Variants in SNX6 observed in about 807,000 individuals in gnomAD.
The protein encoded by SNX6 is sorting nexin-6.
Under a neutral mutation model 63.0 loss-of-function variants are expected in SNX6, and 34 were observed. The ratio of observed to expected loss-of-function variants is 0.54; its 90% CI spans 0.41 to 0.72. The LOEUF (loss-of-function observed/expected upper bound fraction) is 0.72. Ranked by LOEUF, SNX6 falls within the 30% of genes least tolerant of loss-of-function variation. The pLI is 0.00. For missense variants in SNX6, 398 were observed against 471.4 expected, an observed-to-expected ratio of 0.84 and a Z score of 1.44; for synonymous variants, 170 against 164.2, an observed-to-expected ratio of 1.04 and a Z score of -0.27.
At chr14:34,575,349 C>T (rs1183750778) in intron 11 of SNX6, among the ~76,000 whole-genome samples, 4 of 151,950 alleles carry the variant, frequency 2.6e-5, no homozygotes, top group East Asian at 3.9e-4. Context: ...TACAGGCACC[C>T]GCCACCATGC....
chr14:34,585,333 A>C (rs1039754690), intron 9 of SNX6, among the ~76,000 whole-genome samples: 2 of 152,012 alleles, frequency 1.3e-5, no homozygotes, highest in African/African-American at 4.8e-5. Flanking sequence ...CAGCCTGGCC[A>C]ATATGGTGAA....
chr14:34,626,870 A>G (rs966079140), intron 2 of SNX6, among the ~76,000 whole-genome samples: 5 of 152,210 alleles, frequency 3.3e-5, no homozygotes, highest in African/African-American at 1.2e-4. Flanking sequence ...TGCTTGTGCT[A>G]GTAGACACCA....
At chr14:34,588,650 C>T (rs549247682) in intron 8 of SNX6, among the ~76,000 whole-genome samples, 109 of 152,266 alleles carry the variant, frequency 7.2e-4, no homozygotes, top group African/African-American at 2.5e-3. Flanking sequence ...CTACAAAACA[C>T]TGCTGAGATA....
rs1347484758 is a variant in SNX6 at position 34,629,564 on chromosome 14, T to C, written c.54+343A>G. 10 of 577,866 alleles carry C rather than the reference T, an allele frequency of 1.7e-5. No individual in the cohort carries two copies. The Admixed American group carries it at 1.7e-4, about 10-fold the overall frequency. The allele number at this position is 577,866 out of a possible 1,614,324, so 35.8% of individuals were successfully genotyped here. A position where few individuals can be genotyped will look rare whatever the true frequency, so the allele number is the denominator to read the frequency against. ...GGGAAGGTCCGAGAATGGGTTTTCATGGCCCCAAAGTGTCGAGGGAGGGTG... is the reference window on the plus strand; with the variant it reads ...GGGAAGGTCCGAGAATGGGTTTTCACGGCCCCAAAGTGTCGAGGGAGGGTG... On this transcript the variant is annotated intron_variant, in intron 2 of 13. Coordinates refer to ENST00000362031, the MANE Select transcript of SNX6 (RefSeq NM_152233.4).
At chr14:34,596,636 G>A (rs1227064305) in intron 7 of SNX6, among the ~76,000 whole-genome samples, 3 of 148,878 alleles carry the variant, frequency 2.0e-5, no homozygotes, top group African/African-American at 7.4e-5. Flanking sequence ...AAAAAAAAGA[G>A]AGAGAGAGAA....
intron 9 of SNX6, among the ~76,000 whole-genome samples, chr14:34,582,021 G>T (rs1365018555): frequency 6.6e-6 from 1 of 151,716 alleles, no homozygotes; most frequent in Non-Finnish European, 1.5e-5. Context: ...TAGAGTCGGG[G>T]TTTTACCATG....
chr14:34,574,285 G>A (rs1423527395), intron 11 of SNX6, among the ~76,000 whole-genome samples: 1 of 149,974 alleles, frequency 6.7e-6, no homozygotes, highest in Non-Finnish European at 1.5e-5. Context: ...GCAGTGAGCT[G>A]CAATCATGCC....
intron 6 of SNX6, among the ~76,000 whole-genome samples, chr14:34,597,851 T>G (rs534304261): frequency 1.6e-4 from 24 of 152,312 alleles, no homozygotes; most frequent in African/African-American, 5.5e-4. Context: ...GGACTCACTC[T>G]CAAAGATTCA....
chr14:34,583,655 G>A (rs1594710656), intron 9 of SNX6, among the ~76,000 whole-genome samples: 1 of 151,954 alleles, frequency 6.6e-6, no homozygotes, highest in East Asian at 1.9e-4. Context: ...ACAGGTTCAA[G>A]TATTCTGTAA....
Position 34,629,948 on chromosome 14 carries a change from G to C in SNX6, c.13C>G (p.Leu5Val). The change falls in exon 2 of 14, where the codon CTG becomes GTG. Residue 5 changes from leucine (L) to valine (V), a missense_variant. Transcript: ENST00000362031. The part of the protein sequence containing the change: MMEG[L>V]DDGPDFLSEE... ...GAGAGGAAGTCCGGGCCGTCGTCCA[G>C]GCCTTCCTGTGGGGTCGGCGGGCAC... 1 of 1,547,536 alleles carries C rather than the reference G, an allele frequency of 6.5e-7. No homozygotes were observed. Among genetic ancestry groups the C allele is most frequent in the Non-Finnish European group, 8.7e-7 (1 of 1,148,512 alleles).
At chr14:34,623,840 ATATTATT>A (rs1883720731) in intron 2 of SNX6, among the ~76,000 whole-genome samples, 1 of 152,220 alleles carries the variant, frequency 6.6e-6, no homozygotes, top group Non-Finnish European at 1.5e-5. Flanking sequence ...AACAATAAAC[ATATTATT>A]TAGAACTGAA....
intron 7 of SNX6, among the ~76,000 whole-genome samples, chr14:34,596,437 G>A (rs1328963532): frequency 2.6e-5 from 4 of 151,378 alleles, no homozygotes; most frequent in African/African-American, 9.7e-5. Flanking sequence ...TGGCCAACAT[G>A]GTGAAACCCC....
rs137936004 is a variant in SNX6, at chr14:34,568,812, T to G, written c.922-799A>C. 1.4e-5 allele frequency: 14 copies of G among 1,021,494 alleles called. No homozygotes were observed. The East Asian group carries it at 3.3e-4, about 24-fold the overall frequency. The allele number at this position is 1,021,494 out of a possible 1,614,324, so 63.3% of individuals were successfully genotyped here. A position where few individuals can be genotyped will look rare whatever the true frequency, so the allele number is the denominator to read the frequency against. The stretch of plus-strand genomic sequence containing the variant: ...CCACCATTTTTAGCCCCTCCAGGGC[T>G]TGGAGGACCCGGTGGGCCACATTCT... On this transcript the variant is annotated intron_variant, in intron 11 of 13. Coordinates refer to ENST00000362031, the MANE Select transcript of SNX6 (RefSeq NM_152233.4).
chr14:34,625,482 C>G (rs151067250), intron 2 of SNX6, among the ~76,000 whole-genome samples: 1 of 152,028 alleles, frequency 6.6e-6, no homozygotes, highest in African/African-American at 2.4e-5. Flanking sequence ...CCTGTAATCC[C>G]AGCACTTTGG....
intron 11 of SNX6, 89 bp from the exon 12 acceptor site, chr14:34,568,102 T>A: frequency 9.2e-7 from 1 of 1,091,768 alleles, no homozygotes; most frequent in Non-Finnish European, 1.3e-6. Flanking sequence ...ACCACAACCA[T>A]CAGAGCTAAC....
intron 8 of SNX6, among the ~76,000 whole-genome samples, chr14:34,588,800 T>C (rs1316954106): frequency 6.6e-6 from 1 of 152,110 alleles, no homozygotes; most frequent in Non-Finnish European, 1.5e-5. Context: ...GCCCTTGTGT[T>C]GAAAAAGACA....
At chr14:34,590,103 TCAA>T (rs1012243350) in intron 8 of SNX6, among the ~76,000 whole-genome samples, 4 of 151,682 alleles carry the variant, frequency 2.6e-5, no homozygotes, top group South Asian at 2.1e-4. Flanking sequence ...AGACCCTGTC[TCAA>T]CAACAACAAC....
intron 2 of SNX6, among the ~76,000 whole-genome samples, chr14:34,628,629 A>G (rs1399875176): frequency 6.6e-6 from 1 of 152,208 alleles, no homozygotes; most frequent in Non-Finnish European, 1.5e-5. Context: ...ATACTGTCTC[A>G]TAAAACCAAA....
At chr14:34,581,475 A>T (rs1183853829) in intron 10 of SNX6, 86 bp downstream of exon 10, 3 of 791,448 alleles carry the variant, frequency 3.8e-6, no homozygotes, top group South Asian at 2.2e-5. Flanking sequence ...TTTTAAAAAA[A>T]TTTTCTGAAT....
Sources: allele counts gnomAD v4.1 joint callset (sites outside exome capture counted in the v4.1 genomes callset), GRCh38; gene constraint gnomAD v4.1.1; transcripts MANE v1.5; gene names NCBI Gene and HGNC (gene_info 2026-07-23, HGNC 2026-07-21).